SLC30A8: variants seen among roughly 807,000 people sequenced by gnomAD.
SLC30A8 encodes solute carrier family 30 member 8.
SLC30A8 carries 27 observed loss-of-function variants against 36.9 expected under a neutral mutation model. The observed-to-expected ratio is 0.73, with a 90% CI of 0.54 to 1.01. SLC30A8 has a LOEUF of 1.01. Among genes scored for constraint, SLC30A8 ranks in the 50% least tolerant of loss-of-function variants. The probability of loss-of-function intolerance (pLI) is 0.00; values close to 1 mark genes in which losing one functional copy is unlikely to be tolerated. For missense variants in SLC30A8, 439 were observed against 452.0 expected (o/e 0.97, Z 0.26); for synonymous variants, 164 against 172.4 (o/e 0.95, Z 0.38).
At chr8:117,019,939 A>G (rs1816647773) in intron 1 of SLC30A8, among the ~76,000 whole-genome samples, 1 of 152,256 alleles carries the variant, frequency 6.6e-6, no homozygotes, top group Non-Finnish European at 1.5e-5. Flanking sequence ...TTCAAAGAAC[A>G]TGTAGGACAA....
rs191765955 is a variant in SLC30A8, at chr8:117,137,938, T to C, written c.71+2540T>C. ...TGCTGGAGGTAATCTTTACAGGCAT[T>C]TTACCACAGGAAGTAGTAATATTGG... is the stretch of plus-strand genomic sequence containing the variant. On this transcript the variant is annotated intron_variant, in intron 1 of 7. Coordinates refer to ENST00000456015, the MANE Select transcript of SLC30A8 (RefSeq NM_173851.3). 4.6e-3 allele frequency among the ~76,000 whole-genome samples: 692 copies of C among 151,798 alleles called. 2 individuals are homozygous for C. The highest frequency in any genetic ancestry group is 8.0e-3 in the Non-Finnish European group (540 of 67,834).
chr8:117,159,028 TG>T (rs762364006), intron 4 of SLC30A8, among the ~76,000 whole-genome samples: 6 of 152,176 alleles, frequency 3.9e-5, no homozygotes, highest in Non-Finnish European at 7.3e-5. Flanking sequence ...GGAGAGAAGA[TG>T]CTGTATTTCT....
chr8:117,102,443 G>A (rs558959078), intron 2 of SLC30A8, among the ~76,000 whole-genome samples: 1 of 152,118 alleles, frequency 6.6e-6, no homozygotes, highest in Admixed American at 6.6e-5. Flanking sequence ...GTTTTATTTA[G>A]CATTTTATCT....
chr8:117,037,957 T>C (rs562483398), intron 1 of SLC30A8, among the ~76,000 whole-genome samples: 2 of 152,276 alleles, frequency 1.3e-5, no homozygotes, highest in Non-Finnish European at 2.9e-5. Context: ...TCCTTAATAA[T>C]TGAATTCACT....
At chr8:117,053,073 C>A (rs1817759209) in intron 2 of SLC30A8, among the ~76,000 whole-genome samples, 1 of 151,998 alleles carries the variant, frequency 6.6e-6, no homozygotes, top group South Asian at 2.1e-4. Context: ...ACCACCATGC[C>A]CGGCTAAGTT....
chr8:116,973,915 C>T (rs28863874), intron 1 of SLC30A8, among the ~76,000 whole-genome samples: 1 of 152,104 alleles, frequency 6.6e-6, no homozygotes, highest in South Asian at 2.1e-4. Flanking sequence ...CTTTGACAAA[C>T]CTGACAAAAA....
intron 2 of SLC30A8, among the ~76,000 whole-genome samples, chr8:117,062,009 C>A (rs531107991): frequency 1.3e-5 from 2 of 152,206 alleles, no homozygotes; most frequent in Non-Finnish European, 2.9e-5. Flanking sequence ...GCCCCCATCT[C>A]CCTTCATGCT....
At chr8:117,161,997 C>T (rs1822816657) in intron 5 of SLC30A8, 109 bp downstream of exon 5, 8 of 961,906 alleles carry the variant, frequency 8.3e-6, no homozygotes, top group Non-Finnish European at 1.0e-5. Context: ...TTTACCTATA[C>T]AAACTACTTT....
upstream of SLC30A8, chr8:117,134,802 G>A (rs1042559702): frequency 6.6e-6 from 1 of 152,030 alleles, no homozygotes; most frequent in Non-Finnish European, 1.5e-5. Flanking sequence ...GGAGAGACAA[G>A]TAAATTCTGA....
At chr8:117,067,455 C>T (rs1217478930) in intron 2 of SLC30A8, among the ~76,000 whole-genome samples, 3 of 151,776 alleles carry the variant, frequency 2.0e-5, no homozygotes, top group Admixed American at 6.6e-5. Context: ...ATTCTCTAAT[C>T]GACCAAGTCA....
chr8:117,138,060 C>CAAAAAAAAAAAAAAAAAA (rs60065374), intron 1 of SLC30A8, among the ~76,000 whole-genome samples: 21 of 49,800 alleles, frequency 4.2e-4, no homozygotes, highest in East Asian at 1.7e-3. Flanking sequence ...TTCATTGTAG[C>CAAAAAAAAAAAAAAAAAA]AAAAAAAAAA....
intron 1 of SLC30A8, among the ~76,000 whole-genome samples, chr8:117,025,305 G>GT (rs944342420): frequency 8.8e-5 from 13 of 148,326 alleles, no homozygotes; most frequent in African/African-American, 3.2e-4. Flanking sequence ...AATAAAATCA[G>GT]TTTTTTTAAA....
At chr8:116,991,877 A>C (rs1259648403) in intron 1 of SLC30A8, among the ~76,000 whole-genome samples, 1 of 152,232 alleles carries the variant, frequency 6.6e-6, no homozygotes, top group Non-Finnish European at 1.5e-5. Context: ...GAAAAAGAAC[A>C]CAACAGCCAC....
chr8:117,057,587 T>C (rs1215932578), intron 2 of SLC30A8, among the ~76,000 whole-genome samples: 2 of 152,144 alleles, frequency 1.3e-5, no homozygotes, highest in Non-Finnish European at 2.9e-5. Context: ...CAACTTTTTT[T>C]AGATTCCATG....
intron 1 of SLC30A8, among the ~76,000 whole-genome samples, chr8:117,038,907 T>C (rs935835276): frequency 6.6e-6 from 1 of 152,218 alleles, no homozygotes; most frequent in Non-Finnish European, 1.5e-5. Flanking sequence ...TCTCTGAAGA[T>C]GCTTTATGAA....
intron 2 of SLC30A8, among the ~76,000 whole-genome samples, chr8:117,089,579 T>C (rs959295892): frequency 1.2e-4 from 18 of 152,172 alleles, no homozygotes; most frequent in African/African-American, 3.9e-4. Context: ...CTGCCTCCAT[T>C]GGCAGTCATT....
chr8:117,102,998 C>T (rs957587771), intron 2 of SLC30A8, among the ~76,000 whole-genome samples: 2 of 152,010 alleles, frequency 1.3e-5, no homozygotes, highest in African/African-American at 4.8e-5. Context: ...CCTAACATCC[C>T]CAAAAGTCTT....
At chr8:117,094,098 C>A (rs1041615361) in intron 2 of SLC30A8, among the ~76,000 whole-genome samples, 6 of 152,244 alleles carry the variant, frequency 3.9e-5, no homozygotes, top group Admixed American at 2.6e-4. Context: ...GGTGTCACAG[C>A]CCTGACTAAG....
chr8:117,066,760 T>A (rs114332075), intron 2 of SLC30A8, among the ~76,000 whole-genome samples: 1,777 of 152,180 alleles, frequency 0.012, 51 homozygotes, highest in African/African-American at 0.04. Flanking sequence ...CAATAAAGGA[T>A]AGGTTGGCCT....
Sources: gnomAD v4.1 joint callset for allele counts (sites outside exome capture counted in the v4.1 genomes callset) on GRCh38, gnomAD v4.1.1 for gene constraint, MANE v1.5 for transcripts, NCBI Gene and HGNC (gene_info 2026-07-23, HGNC 2026-07-21) for gene names.